Variants in PCDH11Y observed in about 807,000 individuals in gnomAD.
PCDH11Y encodes the protein protocadherin 11 Y-linked.
For missense variants in PCDH11Y, 12 were observed against 224.8 expected, an observed-to-expected ratio of 0.05 and a Z score of 6.05; for synonymous variants, 9 against 83.6, an observed-to-expected ratio of 0.11 and a Z score of 4.87.
At chrY:5,337,599 T>A in intron 2 of PCDH11Y, 2 of 111,688 alleles carry the variant, frequency 1.8e-5, no homozygotes. Flanking sequence ...TATCTATTTT[T>A]TTTTTTTTTG....
intron 2 of PCDH11Y, among the ~76,000 whole-genome samples, chrY:5,133,120 T>C: frequency 3.0e-5 from 1 of 33,060 alleles, no homozygotes; most frequent in Admixed American, 2.8e-4. Flanking sequence ...TCATAAATTT[T>C]GAATTATCTA....
intron 3 of PCDH11Y, among the ~76,000 whole-genome samples, chrY:5,529,840 G>A: frequency 3.1e-5 from 1 of 32,357 alleles, no homozygotes; most frequent in Admixed American, 2.8e-4. Context: ...ATCATTTCCC[G>A]TTCTATGCTT....
intron 4 of PCDH11Y, among the ~76,000 whole-genome samples, chrY:5,591,904 T>A (rs2053462678): frequency 3.0e-5 from 1 of 33,272 alleles, no homozygotes; most frequent in Non-Finnish European, 7.4e-5. Context: ...AGGGAGTGAT[T>A]CTTATTATTT....
chrY:5,626,717 G>C (rs2124703168), intron 4 of PCDH11Y, among the ~76,000 whole-genome samples: 1 of 32,929 alleles, frequency 3.0e-5, no homozygotes, highest in South Asian at 6.8e-4. Flanking sequence ...TTTTAAATAA[G>C]ATGCAATATT....
chrY:5,386,415 G>T, intron 2 of PCDH11Y, among the ~76,000 whole-genome samples: 1 of 32,303 alleles, frequency 3.1e-5, no homozygotes, highest in South Asian at 7.0e-4. Context: ...GCAAGGCCGG[G>T]GAAGTTTTCC....
chrY:5,732,504 G>A (rs2053605446), intron 4 of PCDH11Y, among the ~76,000 whole-genome samples: 1 of 32,551 alleles, frequency 3.1e-5, no homozygotes, highest in African/African-American at 1.2e-4. Context: ...TAGCCTGATG[G>A]GGTTCGTTTG....
chrY:5,018,920 A>G (rs2052564673), intron 1 of PCDH11Y, among the ~76,000 whole-genome samples: 1 of 34,026 alleles, frequency 2.9e-5, no homozygotes, highest in Non-Finnish European at 7.3e-5. Context: ...ACAGACAAAA[A>G]CATAGATGAA....
chrY:5,283,129 T>G, intron 2 of PCDH11Y, among the ~76,000 whole-genome samples: 3 of 33,617 alleles, frequency 8.9e-5, no homozygotes, highest in Non-Finnish European at 1.5e-4. Flanking sequence ...TTAATCCTCA[T>G]AGTATGTGTA....
chrY:5,512,322 T>A, intron 3 of PCDH11Y, among the ~76,000 whole-genome samples: 2 of 30,733 alleles, frequency 6.5e-5, no homozygotes, highest in Admixed American at 6.0e-4. Context: ...ACTAAAAATA[T>A]AAAAAATTAG....
chrY:5,248,844 A>G, intron 2 of PCDH11Y, among the ~76,000 whole-genome samples: 1 of 33,068 alleles, frequency 3.0e-5, no homozygotes, highest in Admixed American at 2.8e-4. Flanking sequence ...CTCAGCCCCA[A>G]AACTACTTAA....
At chrY:5,629,979 C>T (rs2053511124) in intron 4 of PCDH11Y, among the ~76,000 whole-genome samples, 2 of 33,562 alleles carry the variant, frequency 6.0e-5, no homozygotes, top group Non-Finnish European at 1.5e-4. Flanking sequence ...TTTTTAAGTA[C>T]GACTTCCCCA....
chrY:5,322,448 A>G (rs2053114154), intron 2 of PCDH11Y, among the ~76,000 whole-genome samples: 2 of 32,171 alleles, frequency 6.2e-5, no homozygotes, highest in Non-Finnish European at 1.5e-4. Flanking sequence ...ATAATACCTA[A>G]TACAATGTAA....
chrY:5,026,484 T>TATA, intron 1 of PCDH11Y, among the ~76,000 whole-genome samples: 1 of 26,586 alleles, frequency 3.8e-5, no homozygotes, highest in East Asian at 9.7e-4. Flanking sequence ...GAACAATGAA[T>TATA]ATACCACACT....
chrY:5,732,554 TTTG>T (rs2053605549), intron 4 of PCDH11Y, among the ~76,000 whole-genome samples: 3 of 26,871 alleles, frequency 1.1e-4, no homozygotes, highest in South Asian at 6.9e-4. Flanking sequence ...CTTTAAGTTT[TTTG>T]TTGTTGTTGT....
intron 2 of PCDH11Y, among the ~76,000 whole-genome samples, chrY:5,132,162 C>G (rs2052835028): frequency 3.1e-5 from 1 of 31,781 alleles, no homozygotes; most frequent in Non-Finnish European, 7.7e-5. Flanking sequence ...GCATTTTAAG[C>G]CAATTTCATT....
At chrY:5,341,263 G>A (rs1602907693) in intron 2 of PCDH11Y, among the ~76,000 whole-genome samples, 1 of 31,807 alleles carries the variant, frequency 3.1e-5, no homozygotes, top group Admixed American at 2.9e-4. Context: ...GTGCCACCAC[G>A]CCTAGCAAAT....
chrY:5,034,759 G>A, intron 3 of PCDH11Y, among the ~76,000 whole-genome samples: 1 of 30,664 alleles, frequency 3.3e-5, no homozygotes, highest in Non-Finnish European at 7.9e-5. Context: ...CACAAATCCC[G>A]TAAGCACTTA....
chrY:5,249,581 T>TA (rs2053001397), intron 2 of PCDH11Y, among the ~76,000 whole-genome samples: 2 of 32,886 alleles, frequency 6.1e-5, no homozygotes, highest in Non-Finnish European at 1.5e-4. Context: ...CTCAAAATCA[T>TA]AAAAAACCCA....
exon 2 of PCDH11Y, chrY:5,100,175 T>C: frequency 2.5e-6 from 1 of 394,986 alleles, no homozygotes; most frequent in Non-Finnish European, 3.5e-6. Context: ...ACTGCTGTAG[T>C]AAGATGTCGC....
Sources: gnomAD v4.1 joint callset for allele counts (sites outside exome capture counted in the v4.1 genomes callset) on GRCh38, gnomAD v4.1.1 for gene constraint, MANE v1.5 for transcripts, NCBI Gene and HGNC (gene_info 2026-07-23, HGNC 2026-07-21) for gene names.